NRG3: variants seen among roughly 807,000 people sequenced by gnomAD.
NRG3 encodes neuregulin 3.
A neutral mutation model predicts 66.9 loss-of-function variants in NRG3; 31 were observed. The observed-to-expected ratio is 0.46, with a 90% CI of 0.35 to 0.63. The LOEUF is 0.63. Ranked by LOEUF, NRG3 falls within the 20% of genes least tolerant of loss-of-function variation. NRG3 has a pLI of 0.00. For missense variants in NRG3, 910 were observed against 878.9 expected (o/e 1.04, Z -0.45); for synonymous variants, 393 against 359.4 (o/e 1.09, Z -1.06).
chr10:82,311,790 G>T (rs775098169), intron 1 of NRG3, among the ~76,000 whole-genome samples: 1 of 152,136 alleles, frequency 6.6e-6, no homozygotes, highest in African/African-American at 2.4e-5. Flanking sequence ...AGAAACTGAG[G>T]CATAGAGAGG....
At position 81,935,546 on chromosome 10, in the gene NRG3, G is replaced by C. The variant is rs145985066; in HGVS notation, c.823+59383G>C. Among the ~76,000 whole-genome samples the C allele has an allele frequency of 1.4e-4, 22 of 152,222 alleles. No individual in the cohort carries two copies. In the East Asian group the frequency reaches 3.3e-3, roughly 23 times the overall value. ...TTATAGTGGCTAAAGTAGCCCATTT[G>C]TCATCTGTGACCTATTTCAGGGAAC... On this transcript the variant is annotated intron_variant, in intron 1 of 8. Transcript: ENST00000372141.
intron 1 of NRG3, among the ~76,000 whole-genome samples, chr10:82,000,437 G>A (rs752116785): frequency 6.6e-6 from 1 of 151,934 alleles, no homozygotes; most frequent in Admixed American, 6.6e-5. Flanking sequence ...GGTTTGTAGC[G>A]TAGATTAATT....
At chr10:82,472,330 A>C (rs1044448406) in intron 2 of NRG3, among the ~76,000 whole-genome samples, 2 of 152,212 alleles carry the variant, frequency 1.3e-5, no homozygotes, top group Non-Finnish European at 2.9e-5. Flanking sequence ...CTTAAAATAC[A>C]CTAGTTCAAT....
intron 1 of NRG3, among the ~76,000 whole-genome samples, chr10:81,893,064 T>C (rs961376321): frequency 6.6e-6 from 1 of 152,348 alleles, no homozygotes; most frequent in East Asian, 1.9e-4. Flanking sequence ...CTTGCTTTTC[T>C]TATTATTAAA....
chr10:82,102,609 T>C (rs924986758), intron 1 of NRG3, among the ~76,000 whole-genome samples: 11 of 151,834 alleles, frequency 7.2e-5, no homozygotes, highest in African/African-American at 2.7e-4. Flanking sequence ...CCTTTTGGGA[T>C]ATATATTTTA....
chr10:82,023,887 C>G (rs988608228), intron 1 of NRG3, among the ~76,000 whole-genome samples: 13 of 152,006 alleles, frequency 8.6e-5, no homozygotes, highest in Non-Finnish European at 1.5e-4. Context: ...GAAAGTTCCC[C>G]TTCTCTTCAA....
intron 2 of NRG3, among the ~76,000 whole-genome samples, chr10:82,488,219 C>G (rs551659398): frequency 6.6e-6 from 1 of 152,258 alleles, no homozygotes; most frequent in South Asian, 2.1e-4. Context: ...ACTTCCAATT[C>G]TTAAGCACCT....
chr10:82,422,027 A>G (rs1472118984), intron 2 of NRG3, among the ~76,000 whole-genome samples: 2 of 152,082 alleles, frequency 1.3e-5, no homozygotes, highest in Non-Finnish European at 2.9e-5. Flanking sequence ...TGAGAATGTA[A>G]TAATTTACAT....
chr10:82,465,101 G>T (rs1035555833), intron 2 of NRG3, among the ~76,000 whole-genome samples: 2 of 152,220 alleles, frequency 1.3e-5, no homozygotes, highest in African/African-American at 4.8e-5. Flanking sequence ...TTACTGAAGA[G>T]CATCCCTACA....
At chr10:82,847,498 G>A (rs1018483029) in intron 3 of NRG3, among the ~76,000 whole-genome samples, 1 of 152,228 alleles carries the variant, frequency 6.6e-6, no homozygotes, top group African/African-American at 2.4e-5. Context: ...CTTATCTAAG[G>A]TCAAACATGG....
chr10:82,662,822 C>T (rs1310332645), intron 2 of NRG3, among the ~76,000 whole-genome samples: 1 of 152,162 alleles, frequency 6.6e-6, no homozygotes, highest in Non-Finnish European at 1.5e-5. Context: ...ATAAAGGCTC[C>T]ATAAAACCTT....
chr10:82,920,223 A>T (rs1026905015), intron 4 of NRG3, among the ~76,000 whole-genome samples: 2 of 151,332 alleles, frequency 1.3e-5, no homozygotes, highest in African/African-American at 4.9e-5. Flanking sequence ...TTGATAAAGT[A>T]CTTATTTTCC....
chr10:82,372,509 T>C (rs1230961652), intron 2 of NRG3, among the ~76,000 whole-genome samples: 1 of 152,266 alleles, frequency 6.6e-6, no homozygotes, highest in Non-Finnish European at 1.5e-5. Context: ...TCAAAATTAA[T>C]GTATAACTTT....
intron 5 of NRG3, among the ~76,000 whole-genome samples, chr10:82,954,888 T>A (rs1190123211): frequency 6.6e-6 from 1 of 151,720 alleles, no homozygotes; most frequent in Non-Finnish European, 1.5e-5. Flanking sequence ...AAACTCTACC[T>A]TGACCTTCCC....
At chr10:82,261,290 C>T (rs2134204951) in intron 1 of NRG3, among the ~76,000 whole-genome samples, 1 of 152,278 alleles carries the variant, frequency 6.6e-6, no homozygotes, top group Non-Finnish European at 1.5e-5. Context: ...ACTCTCCTGT[C>T]TCCTGCCACC....
Position 82,071,766 on chromosome 10 carries a change from G to A in NRG3, c.823+195603G>A, listed in dbSNP as rs1184363041. ...GTCAAGAATTGGCTGAAGGGACGCT[G>A]TGGAGCCAAGGAGACCATTTAAGAA... On this transcript the variant is annotated intron_variant, in intron 1 of 8. Transcript: ENST00000372141. 2.6e-5 allele frequency among the ~76,000 whole-genome samples: 4 copies of A among 152,136 alleles called. No homozygotes were observed. The East Asian group carries it at 7.7e-4, about 29-fold the overall frequency.
At chr10:82,129,556 A>T (rs1225508054) in intron 1 of NRG3, among the ~76,000 whole-genome samples, 1 of 152,066 alleles carries the variant, frequency 6.6e-6, no homozygotes, top group East Asian at 1.9e-4. Context: ...TTTTATGAAC[A>T]TTTCAATTAT....
At chr10:82,341,534 G>C (rs1283421859) in intron 1 of NRG3, among the ~76,000 whole-genome samples, 2 of 151,968 alleles carry the variant, frequency 1.3e-5, no homozygotes, top group Non-Finnish European at 2.9e-5. Context: ...CTTATCCCAA[G>C]GTTGTTGGTT....
At chr10:82,583,534 T>C (rs1409785703) in intron 2 of NRG3, among the ~76,000 whole-genome samples, 1 of 152,256 alleles carries the variant, frequency 6.6e-6, no homozygotes, top group Non-Finnish European at 1.5e-5. Context: ...TTGTCATAAC[T>C]ACTTGTAAAC....
Sources: allele counts gnomAD v4.1 joint callset (sites outside exome capture counted in the v4.1 genomes callset), GRCh38; gene constraint gnomAD v4.1.1; transcripts MANE v1.5; gene names NCBI Gene and HGNC (gene_info 2026-07-23, HGNC 2026-07-21).